The following AGMO variants were observed in gnomAD, a reference collection of about 807,000 sequenced individuals.
The protein encoded by AGMO is glyceryl-ether monooxygenase.
A neutral mutation model predicts 60.2 loss-of-function variants in AGMO; 75 were observed. That is an observed-to-expected ratio of 1.25 (90% CI 1.03 to 1.51). The LOEUF is 1.51. Among genes scored for constraint, AGMO ranks in the 40% most tolerant of loss-of-function variants. AGMO has a pLI of 0.00. For missense variants in AGMO, 763 were observed against 525.5 expected (o/e 1.45, Z -4.42); for synonymous variants, 261 against 177.1 (o/e 1.47, Z -3.76).
intron 12 of AGMO, among the ~76,000 whole-genome samples, chr7:15,231,439 C>T (rs1019785900): frequency 6.6e-6 from 1 of 152,162 alleles, no homozygotes; most frequent in East Asian, 1.9e-4. Context: ...AAATTGGCAT[C>T]CCTCATATCA....
At chr7:15,499,853 A>G (rs1783329705) in intron 3 of AGMO, among the ~76,000 whole-genome samples, 1 of 151,074 alleles carries the variant, frequency 6.6e-6, no homozygotes, top group Non-Finnish European at 1.5e-5. Context: ...CAATGTACAA[A>G]TTAGGTTTAT....
At chr7:15,160,420 A>G in the AGMO span, among the ~76,000 whole-genome samples, 1 of 152,158 alleles carries the variant, frequency 6.6e-6, no homozygotes, top group Non-Finnish European at 1.5e-5. Flanking sequence ...GTAAATCCGT[A>G]ATGACTTAAT....
chr7:15,423,227 A>G (rs1035460987), intron 4 of AGMO, among the ~76,000 whole-genome samples: 1 of 152,196 alleles, frequency 6.6e-6, no homozygotes, highest in Non-Finnish European at 1.5e-5. Context: ...CAGAAACTAA[A>G]GATTGAAGAA....
intron 12 of AGMO, among the ~76,000 whole-genome samples, chr7:15,313,327 G>A (rs1780822251): frequency 6.6e-6 from 1 of 152,112 alleles, no homozygotes; most frequent in African/African-American, 2.4e-5. Flanking sequence ...TCCTGTCAGG[G>A]AGCTAATATT....
At chr7:15,257,138 C>T (rs1240953072) in intron 12 of AGMO, among the ~76,000 whole-genome samples, 1 of 152,058 alleles carries the variant, frequency 6.6e-6, no homozygotes, top group Non-Finnish European at 1.5e-5. Flanking sequence ...AAAAAAGTTT[C>T]AAGCAACATG....
intron 12 of AGMO, among the ~76,000 whole-genome samples, chr7:15,315,328 C>CCTT (rs1780888580): frequency 2.1e-5 from 1 of 48,198 alleles, no homozygotes; most frequent in African/African-American, 7.6e-5. Flanking sequence ...TGGATATTTG[C>CCTT]TTTTTTTTTT....
intron 3 of AGMO, among the ~76,000 whole-genome samples, chr7:15,457,490 C>G (rs777511935): frequency 1.3e-5 from 2 of 152,116 alleles, no homozygotes; most frequent in Non-Finnish European, 2.9e-5. Context: ...CAAAATTTTA[C>G]TCGAGTACAT....
intron 3 of AGMO, among the ~76,000 whole-genome samples, chr7:15,455,896 G>T (rs10267845): frequency 0.62 from 93,513 of 151,322 alleles, 29,439 homozygotes; most frequent in Non-Finnish European, 0.68. Flanking sequence ...GAGATTTTTG[G>T]TTTTTTGTTT....
intron 3 of AGMO, among the ~76,000 whole-genome samples, chr7:15,517,686 C>A (rs953427797): frequency 2.0e-5 from 3 of 152,080 alleles, no homozygotes; most frequent in Non-Finnish European, 4.4e-5. Flanking sequence ...AGGAGATTTC[C>A]TTGGGTGCCT....
At chr7:15,373,594 G>T (rs1224833326) in intron 10 of AGMO, among the ~76,000 whole-genome samples, 2 of 151,970 alleles carry the variant, frequency 1.3e-5, no homozygotes, top group African/African-American at 2.4e-5. Context: ...AAACCTTAGG[G>T]GTCAATACAA....
chr7:15,322,978 TG>T (rs1364226534), intron 12 of AGMO, among the ~76,000 whole-genome samples: 1 of 20,268 alleles, frequency 4.9e-5, no homozygotes, highest in Non-Finnish European at 9.1e-5. Context: ...TATATATATA[TG>T]TATTTATTTT....
chr7:15,142,847 G>T, the AGMO span, among the ~76,000 whole-genome samples: 4 of 152,058 alleles, frequency 2.6e-5, no homozygotes, highest in African/African-American at 4.8e-5. Flanking sequence ...TTGAATGTCC[G>T]ATATGTATTA....
intron 12 of AGMO, among the ~76,000 whole-genome samples, chr7:15,274,564 G>C (rs1210091027): frequency 6.6e-6 from 1 of 151,932 alleles, no homozygotes; most frequent in Non-Finnish European, 1.5e-5. Flanking sequence ...TTCTTGATTT[G>C]AGTATCAGGA....
chr7:15,375,701 A>C (rs1355016452), intron 10 of AGMO, among the ~76,000 whole-genome samples: 1 of 152,120 alleles, frequency 6.6e-6, no homozygotes, highest in Non-Finnish European at 1.5e-5. Flanking sequence ...CAGCCTCTTC[A>C]CGTGGAATAC....
At chr7:15,371,258 C>T (rs1184715126) in intron 10 of AGMO, among the ~76,000 whole-genome samples, 1 of 152,124 alleles carries the variant, frequency 6.6e-6, no homozygotes, top group Admixed American at 6.6e-5. Context: ...TTACTCCCAT[C>T]ACTCAGGTTT....
At chr7:15,344,225 GCATA>G (rs916270774) in intron 12 of AGMO, among the ~76,000 whole-genome samples, 1 of 152,082 alleles carries the variant, frequency 6.6e-6, no homozygotes, top group African/African-American at 2.4e-5. Flanking sequence ...TGAATAAGTT[GCATA>G]AATATGTAAT....
intron 12 of AGMO, among the ~76,000 whole-genome samples, chr7:15,272,062 T>C (rs909706405): frequency 6.6e-6 from 1 of 152,180 alleles, no homozygotes; most frequent in Non-Finnish European, 1.5e-5. Flanking sequence ...TTTGATGTGC[T>C]ACTGGATTTA....
In AGMO at chr7:15,332,630, A is replaced by G. The variant is rs76520425; in HGVS notation, c.1263+32884T>C. ...TTGGCAAGTAAAAATATCATGTAAG[A>G]TTTTCACTGTATATTCTAAGAATAA... On this transcript the variant is annotated intron_variant, in intron 12 of 12. Transcript: ENST00000342526. Among the ~76,000 whole-genome samples the G allele has an allele frequency of 2.9e-4, 44 of 152,226 alleles. No individual in the cohort carries two copies. In the East Asian group the frequency reaches 6.6e-3, roughly 23 times the overall value.
intron 3 of AGMO, among the ~76,000 whole-genome samples, chr7:15,469,330 T>C (rs1272729541): frequency 6.6e-6 from 1 of 152,138 alleles, no homozygotes; most frequent in African/African-American, 2.4e-5. Context: ...GGAAAGTTAG[T>C]TAAAATTTTA....
Sources: gnomAD v4.1 joint callset for allele counts (sites outside exome capture counted in the v4.1 genomes callset) on GRCh38, gnomAD v4.1.1 for gene constraint, MANE v1.5 for transcripts, NCBI Gene and HGNC (gene_info 2026-07-23, HGNC 2026-07-21) for gene names.